Variants in ULK2 observed in about 807,000 individuals in gnomAD.
The protein encoded by ULK2 is unc-51 like autophagy activating kinase 2, also known as serine/threonine-protein kinase ULK2.
Under a neutral mutation model 127.5 loss-of-function variants are expected in ULK2, and 76 were observed. That is an observed-to-expected ratio of 0.60 (90% confidence interval 0.50 to 0.72). The LOEUF is 0.72. ULK2 is among the 30% of genes least tolerant of loss of function. The pLI is 0.00. For missense variants in ULK2, 1,144 were observed against 1,295.9 expected (o/e 0.88, Z 1.80); for synonymous variants, 452 against 461.9 (o/e 0.98, Z 0.28).
intron 2 of ULK2, 125 bp downstream of exon 2, chr17:19,865,611 A>C (rs16960503): frequency 0.023 from 12,254 of 528,862 alleles, 807 homozygotes; most frequent in East Asian, 0.16. Context: ...GCATGCAAAA[A>C]GGAGAGCAAC....
Position 19,861,461 on chromosome 17 carries a change from C to T in ULK2, c.225+3342G>A, listed in dbSNP as rs146505909. Among the ~76,000 whole-genome samples the T allele has an allele frequency of 6.3e-3, 963 of 152,112 alleles. 6 individuals are homozygous for T. The highest frequency in any genetic ancestry group is 9.0e-3 in the Non-Finnish European group (611 of 68,002). ...TCTGGAGGCTGAGGCAGGAGAATGG[C>T]GTGAACCCAGGAGGCGAAGCTTGCA... On this transcript the variant is annotated intron_variant, in intron 3 of 26. Coordinates refer to ENST00000395544, the MANE Select transcript of ULK2 (RefSeq NM_014683.4).
At chr17:19,827,806 A>G (rs572643468) in intron 10 of ULK2, among the ~76,000 whole-genome samples, 1 of 151,980 alleles carries the variant, frequency 6.6e-6, no homozygotes, top group South Asian at 2.1e-4. Flanking sequence ...GCTACTCAGG[A>G]GGCTGAGGCA....
chr17:19,849,251 T>C, intron 5 of ULK2, 118 bp downstream of exon 5: 2 of 867,930 alleles, frequency 2.3e-6, no homozygotes, highest in South Asian at 1.7e-5. Context: ...TACACAAATA[T>C]TTATTGAATG....
At chr17:19,776,467 T>C in intron 26 of ULK2, 60 bp from the exon 27 acceptor site, 9 of 1,409,268 alleles carry the variant, frequency 6.4e-6, no homozygotes, top group Non-Finnish European at 8.7e-6. Flanking sequence ...TTGTCATCTC[T>C]ATTCTATCTT....
chr17:19,818,192 G>A (rs1452951424), intron 12 of ULK2, among the ~76,000 whole-genome samples: 6 of 152,046 alleles, frequency 3.9e-5, no homozygotes, highest in South Asian at 4.2e-4. Flanking sequence ...GCATGACGGC[G>A]GGCGCCTGTA....
At chr17:19,832,779 G>T (rs1254470094) in intron 10 of ULK2, among the ~76,000 whole-genome samples, 2 of 152,132 alleles carry the variant, frequency 1.3e-5, no homozygotes, top group African/African-American at 4.8e-5. Flanking sequence ...TTCAAAAACT[G>T]CAAGGAAAAC....
At chr17:19,787,924 A>C (rs1158374919) in intron 20 of ULK2, among the ~76,000 whole-genome samples, 3 of 152,182 alleles carry the variant, frequency 2.0e-5, no homozygotes, top group Non-Finnish European at 4.4e-5. Flanking sequence ...AGAGTGCAGC[A>C]ATTTGGGGAT....
Position 19,776,324 on chromosome 17 carries a change from C to G in ULK2, c.*25G>C, listed in dbSNP as rs1394742464. 2 of 1,587,738 alleles carry G rather than the reference C, an allele frequency of 1.3e-6. No homozygotes were observed. Among genetic ancestry groups the G allele is most frequent in the Non-Finnish European group, 1.7e-6 (2 of 1,168,182 alleles). On this transcript the variant is annotated 3_prime_UTR_variant, in exon 27 of 27. Coordinates refer to ENST00000395544, the MANE Select transcript of ULK2 (RefSeq NM_014683.4). ...AAGGCATCACCTCACGTTCCCACCA[C>G]CGGTCCACGGGATGAGCCTGCTGCT...
At position 19,826,956 on chromosome 17, in the gene ULK2, CAAAAAA is replaced by C. The variant is rs757947424; in HGVS notation, c.788-776_788-771del. Among the ~76,000 whole-genome samples, 20 of 87,524 alleles carry C rather than the reference CAAAAAA, an allele frequency of 2.3e-4. No individual in the cohort carries two copies. The Admixed American group carries it at 2.4e-3, about 11-fold the overall frequency. The allele number at this position is 87,524 out of a possible 152,430, so 57.4% of individuals were successfully genotyped here. A position where few individuals can be genotyped will look rare whatever the true frequency, so the allele number is the denominator to read the frequency against. ...TGGGTGACAGAGCGAGACTCCGTCTCAAAAAAAAAAAAAAAGAAACTACAAAAACAA... is the reference window on the plus strand; with the variant it reads ...TGGGTGACAGAGCGAGACTCCGTCTCAAAAAAAAAGAAACTACAAAAACAA... On this transcript the variant is annotated intron_variant, in intron 10 of 26. Coordinates refer to ENST00000395544, the MANE Select transcript of ULK2 (RefSeq NM_014683.4).
At position 19,849,753 on chromosome 17, in the gene ULK2, A is replaced by G. The variant is rs1354585037; in HGVS notation, c.247T>C (p.Leu83=). 2.6e-6 allele frequency: 4 copies of G among 1,549,366 alleles called. No individual in the cohort carries two copies. In the South Asian group the frequency reaches 3.7e-5, roughly 14 times the overall value. Residue 83 remains leucine, a synonymous_variant, in exon 4 of 27, where the codon TTG becomes CTG. Coordinates refer to ENST00000395544, the MANE Select transcript of ULK2 (RefSeq NM_014683.4). ...TGTATACTACCTACCTCCATCACCA[A>G]AAAGACAGAGTTGGGTAATTCCTGA... The part of the protein sequence containing the change: ...DVQELPNSVF[L]VMEYCNGGDL...
intron 21 of ULK2, among the ~76,000 whole-genome samples, chr17:19,785,272 C>T (rs994259312): frequency 5.9e-5 from 9 of 152,102 alleles, no homozygotes; most frequent in African/African-American, 1.9e-4. Context: ...AGTGCAATGG[C>T]GCAATCTCGG....
chr17:19,848,575 G>A (rs1440545743), intron 5 of ULK2, among the ~76,000 whole-genome samples: 4 of 152,010 alleles, frequency 2.6e-5, no homozygotes, highest in East Asian at 1.9e-4. Flanking sequence ...TCAGGAGTTC[G>A]AGACCAGCCT....
intron 15 of ULK2, 121 bp from the exon 16 acceptor site, chr17:19,802,043 A>G: frequency 1.8e-6 from 2 of 1,115,112 alleles, no homozygotes; most frequent in Non-Finnish European, 2.5e-6. Context: ...ATACAGTCAC[A>G]TGGAACAATT....
intron 6 of ULK2, 35 bp downstream of exon 6, chr17:19,846,702 A>G: frequency 6.6e-7 from 1 of 1,521,130 alleles, no homozygotes; most frequent in Non-Finnish European, 8.8e-7. Flanking sequence ...GTTTCAAAAA[A>G]TGTCCTTTCC....
chr17:19,858,211 G>A (rs1306793701), intron 3 of ULK2, among the ~76,000 whole-genome samples: 1 of 151,976 alleles, frequency 6.6e-6, no homozygotes. Flanking sequence ...ACCAGGCTGA[G>A]CAACATGGTG....
chr17:19,788,305 C>T (rs1321373813), intron 20 of ULK2, among the ~76,000 whole-genome samples: 1 of 151,798 alleles, frequency 6.6e-6, no homozygotes, highest in East Asian at 2.0e-4. Context: ...ACAAAAGTGA[C>T]TCCTTCCTTC....
chr17:19,832,919 T>C (rs911661801), intron 10 of ULK2, among the ~76,000 whole-genome samples: 5 of 152,004 alleles, frequency 3.3e-5, no homozygotes, highest in African/African-American at 1.2e-4. Flanking sequence ...GGTCAGGAGT[T>C]CGTGACTAGC....
At chr17:19,854,799 T>G (rs1193236250) in intron 3 of ULK2, among the ~76,000 whole-genome samples, 1 of 151,932 alleles carries the variant, frequency 6.6e-6, no homozygotes, top group Non-Finnish European at 1.5e-5. Flanking sequence ...ATGTAGGAAC[T>G]TCCATATATT....
intron 20 of ULK2, among the ~76,000 whole-genome samples, chr17:19,790,612 G>GA (rs1189598248): frequency 1.3e-5 from 2 of 151,724 alleles, no homozygotes; most frequent in African/African-American, 4.8e-5. Flanking sequence ...AAGAAGACCA[G>GA]AAAACAAATA....
Sources: gnomAD v4.1 joint callset for allele counts (sites outside exome capture counted in the v4.1 genomes callset) on GRCh38, gnomAD v4.1.1 for gene constraint, MANE v1.5 for transcripts, NCBI Gene and HGNC (gene_info 2026-07-23, HGNC 2026-07-21) for gene names.